CNTNAP5: variants seen among roughly 807,000 people sequenced by gnomAD.
CNTNAP5 encodes contactin associated protein family member 5.
In CNTNAP5, 72 loss-of-function variants were observed where a neutral mutation model predicts 150.2. The observed-to-expected ratio is 0.48, with a 90% CI of 0.40 to 0.58. The LOEUF (loss-of-function observed/expected upper bound fraction) is 0.58, where lower values mean the gene tolerates loss of function less well. CNTNAP5 is among the 20% of genes least tolerant of loss of function. CNTNAP5 has a pLI of 0.00. For synonymous variants in CNTNAP5, 672 were observed against 619.8 expected (o/e 1.08, Z -1.25); for missense variants, 1,636 against 1,626.2 (o/e 1.01, Z -0.10).
chr2:124,107,171 C>G (rs571242648), intron 1 of CNTNAP5, among the ~76,000 whole-genome samples: 1 of 152,174 alleles, frequency 6.6e-6, no homozygotes, highest in African/African-American at 2.4e-5. Context: ...TGAAACTAAC[C>G]TCTGATGATG....
chr2:124,655,945 G>GAGAGAGAGAGAAAGAAAGAA (rs1553427800), intron 13 of CNTNAP5, among the ~76,000 whole-genome samples: 2 of 55,516 alleles, frequency 3.6e-5, no homozygotes, highest in African/African-American at 1.5e-4. Flanking sequence ...GAGAGAGAGA[G>GAGAGAGAGAGAAAGAAAGAA]AGAAAGAAAG....
chr2:124,851,947 G>A (rs961986683), intron 19 of CNTNAP5, among the ~76,000 whole-genome samples: 1 of 152,182 alleles, frequency 6.6e-6, no homozygotes, highest in African/African-American at 2.4e-5. Flanking sequence ...AATGGGCCAA[G>A]GGACTTGAGG....
intron 3 of CNTNAP5, among the ~76,000 whole-genome samples, chr2:124,398,765 G>T (rs1198679095): frequency 6.6e-6 from 1 of 152,130 alleles, no homozygotes; most frequent in Non-Finnish European, 1.5e-5. Context: ...ACGGGCATAA[G>T]CCACTGCATC....
intron 13 of CNTNAP5, among the ~76,000 whole-genome samples, chr2:124,651,571 G>A (rs1171566771): frequency 6.6e-6 from 1 of 152,116 alleles, no homozygotes; most frequent in Admixed American, 6.6e-5. Flanking sequence ...ACACAGAAAG[G>A]GGCAGATCTA....
intron 16 of CNTNAP5, among the ~76,000 whole-genome samples, chr2:124,770,431 T>G (rs967892764): frequency 6.6e-6 from 1 of 152,166 alleles, no homozygotes; most frequent in African/African-American, 2.4e-5. Flanking sequence ...ACATGTGTTG[T>G]CTCAGTGGAA....
intron 19 of CNTNAP5, among the ~76,000 whole-genome samples, chr2:124,828,253 G>A (rs942055335): frequency 3.3e-5 from 5 of 152,094 alleles, no homozygotes; most frequent in Non-Finnish European, 7.4e-5. Flanking sequence ...AGGCCGAGAC[G>A]GGCGGATCAC....
chr2:124,151,023 C>T, intron 1 of CNTNAP5, among the ~76,000 whole-genome samples: 1 of 152,146 alleles, frequency 6.6e-6, no homozygotes, highest in East Asian at 1.9e-4. Context: ...ATGTGAATAA[C>T]AGGGACACGG....
chr2:124,087,389 T>A (rs1325876181), intron 1 of CNTNAP5, among the ~76,000 whole-genome samples: 1 of 151,908 alleles, frequency 6.6e-6, no homozygotes, highest in Non-Finnish European at 1.5e-5. Context: ...TTTTCTTAGA[T>A]TTCTTCATCT....
intron 1 of CNTNAP5, among the ~76,000 whole-genome samples, chr2:124,155,688 T>G (rs564941911): frequency 1.4e-3 from 219 of 152,302 alleles, no homozygotes; most frequent in African/African-American, 5.1e-3. Flanking sequence ...AGATATATAT[T>G]TAACATGCAT....
intron 14 of CNTNAP5, among the ~76,000 whole-genome samples, chr2:124,750,530 CACTT>C (rs1187203264): frequency 2.0e-5 from 3 of 152,140 alleles, no homozygotes; most frequent in Non-Finnish European, 4.4e-5. Context: ...ACTGATTTAT[CACTT>C]ACTTAGTGCC....
intron 3 of CNTNAP5, among the ~76,000 whole-genome samples, chr2:124,398,398 AAGG>A (rs996530936): frequency 1.4e-4 from 22 of 152,358 alleles, no homozygotes; most frequent in African/African-American, 5.3e-4. Context: ...GATGTAACAG[AAGG>A]AGAACACGGA....
chr2:124,822,645 G>A (rs553714943), intron 19 of CNTNAP5, among the ~76,000 whole-genome samples: 8 of 152,188 alleles, frequency 5.3e-5, no homozygotes, highest in South Asian at 2.1e-4. Flanking sequence ...GAAACAGATC[G>A]ACATCTCTAA....
At chr2:124,183,119 G>A (rs1339785147) in intron 1 of CNTNAP5, among the ~76,000 whole-genome samples, 1 of 152,064 alleles carries the variant, frequency 6.6e-6, no homozygotes, top group African/African-American at 2.4e-5. Context: ...AGGTACATTG[G>A]TATGATTTAG....
At chr2:124,378,038 T>C (rs1184282943) in intron 3 of CNTNAP5, among the ~76,000 whole-genome samples, 2 of 152,116 alleles carry the variant, frequency 1.3e-5, no homozygotes, top group Non-Finnish European at 2.9e-5. Context: ...ACTTACTGTG[T>C]ACTCATTTTG....
intron 7 of CNTNAP5, among the ~76,000 whole-genome samples, chr2:124,495,085 A>G (rs547241415): frequency 2.0e-4 from 30 of 152,124 alleles, no homozygotes; most frequent in Non-Finnish European, 3.5e-4. Flanking sequence ...ATATGTGTAA[A>G]TTTGTATTCT....
At chr2:124,076,731 A>C (rs1385785296) in intron 1 of CNTNAP5, among the ~76,000 whole-genome samples, 1 of 152,138 alleles carries the variant, frequency 6.6e-6, no homozygotes, top group East Asian at 1.9e-4. Flanking sequence ...TAGTCATTTC[A>C]GTTTGTTATT....
At chr2:124,855,775 C>A (rs957678179) in intron 19 of CNTNAP5, among the ~76,000 whole-genome samples, 4 of 151,900 alleles carry the variant, frequency 2.6e-5, no homozygotes, top group Admixed American at 2.0e-4. Context: ...TGAATAAGTT[C>A]TTTAGTGGTG....
intron 3 of CNTNAP5, among the ~76,000 whole-genome samples, chr2:124,411,268 G>A (rs1336081821): frequency 2.0e-5 from 3 of 152,160 alleles, no homozygotes; most frequent in Non-Finnish European, 4.4e-5. Flanking sequence ...TCCAGGACCA[G>A]ATGGATTCAC....
chr2:124,318,470 G>C (rs932152558), intron 3 of CNTNAP5, among the ~76,000 whole-genome samples: 1 of 152,128 alleles, frequency 6.6e-6, no homozygotes, highest in Admixed American at 6.5e-5. Flanking sequence ...GCAGAGACTT[G>C]TGATCAGGAA....
Sources: gnomAD v4.1 joint callset for allele counts (sites outside exome capture counted in the v4.1 genomes callset) on GRCh38, gnomAD v4.1.1 for gene constraint, MANE v1.5 for transcripts, NCBI Gene and HGNC (gene_info 2026-07-23, HGNC 2026-07-21) for gene names.